SMTN: variants seen among roughly 807,000 people sequenced by gnomAD.
SMTN encodes smoothelin.
SMTN carries 58 observed loss-of-function variants against 102.0 expected under a neutral mutation model. The observed-to-expected ratio is 0.57, with a 90% CI of 0.46 to 0.71. SMTN has a LOEUF of 0.71. Among genes scored for constraint, SMTN ranks in the 30% least tolerant of loss-of-function variants. The pLI is 0.00. For synonymous variants in SMTN, 478 were observed against 497.9 expected (o/e 0.96, Z 0.53); for missense variants, 1,185 against 1,241.7 (o/e 0.95, Z 0.69).
At chr22:31,094,900 G>A (rs2043449853) in intron 11 of SMTN, among the ~76,000 whole-genome samples, 1 of 151,972 alleles carries the variant, frequency 6.6e-6, no homozygotes, top group African/African-American at 2.4e-5. Context: ...TACCCAGGTT[G>A]GTCTCAAACT....
upstream of SMTN, among the ~76,000 whole-genome samples, chr22:31,078,177 C>A (rs1481651613): frequency 1.3e-5 from 2 of 152,208 alleles, no homozygotes; most frequent in African/African-American, 2.4e-5. Context: ...GAGGGCCAAC[C>A]CTTACCTAGG....
At position 31,099,815 on chromosome 22, in the gene SMTN, T is replaced by C; in HGVS notation, c.2522T>C (p.Phe841Ser). The C allele has an allele frequency of 6.2e-7, 1 of 1,614,094 alleles. No homozygotes were observed. The highest frequency in any genetic ancestry group is 8.5e-7 in the Non-Finnish European group (1 of 1,179,952). ...GMAFCALVHN[F>S]FPEAFDYGQL... ...GCCTTCTGTGCCCTGGTGCACAACT[T>C]CTTCCCTGAGGCCTTCGACTATGGG... The change falls in exon 19 of 21, where the codon TTC becomes TCC. Residue 841 changes from phenylalanine to serine, a missense_variant. Around this residue, in one of 2 missense-constraint regions of SMTN, gnomAD observed 89 missense variants for 128.9 expected, o/e 0.69. Transcript: ENST00000333137.
rs1442191699 is a variant in SMTN, at chr22:31,104,477, C to T, written c.*182C>T. 2.5e-6 allele frequency: 4 copies of T among 1,610,984 alleles called. No individual in the cohort carries two copies. Among genetic ancestry groups the T allele is most frequent in the African/African-American group, 1.3e-5 (1 of 75,040 alleles). On this transcript the variant is annotated 3_prime_UTR_variant, in exon 21 of 21. Coordinates refer to ENST00000333137, the MANE Select transcript of SMTN (RefSeq NM_134269.3). ...GGCAAGAATGTCTAGCCTGCCCGCC[C>T]GCATGGCCAGCCAGTGGCAAGCTGC...
In SMTN at chr22:31,091,772, T is replaced by C. The variant is rs1423205245; in HGVS notation, c.1557T>C (p.Ala519=). ...GTGTCAACAGCCCTGGGACCCTGGC[T>C]CGGCTGGGCAGTGTCACTCATGTCA... The part of the protein sequence containing the change: ...ITRVNSPGTL[A]RLGSVTHVTS... Residue 519 remains alanine (A), a synonymous_variant, in exon 11 of 21, where the codon GCT becomes GCC. Transcript: ENST00000333137. 2 of 1,610,812 alleles carry C rather than the reference T, an allele frequency of 1.2e-6. No individual in the cohort carries two copies. Among genetic ancestry groups the C allele is most frequent in the Non-Finnish European group, 1.7e-6 (2 of 1,178,636 alleles).
At position 31,095,547 on chromosome 22, in the gene SMTN, C is replaced by G. The variant is rs141724361; in HGVS notation, c.1799C>G (p.Thr600Arg). The G allele has an allele frequency of 6.4e-5, 104 of 1,614,036 alleles. No homozygotes were observed. The highest frequency in any genetic ancestry group is 8.7e-5 in the Non-Finnish European group (103 of 1,180,022). ...GVLDKMLDQS[T>R]DFEERKLIRA... is the part of the protein sequence containing the mutation. ...CTCTATATGCAGCTGGATCAGAGCA[C>G]GGACTTTGAAGAGCGGAAGCTCATC... Residue 600 changes from threonine (T) to arginine (R), a missense_variant, in exon 13 of 21, where the codon ACG becomes AGG. By Grantham distance (71) the Thr-to-Arg change is moderately conservative (BLOSUM62 -1). This residue lies in a region of SMTN where 1,096 missense variants were observed against 1,112.7 expected (regional missense o/e 0.98). Transcript: ENST00000333137. This position sits in a 1 kb window ranked among gnomAD's most constrained non-coding sequence, Gnocchi z 4.1.
chr22:31,090,697 G>A (rs1009783062), intron 8 of SMTN, 111 bp from the exon 9 acceptor site: 21 of 866,804 alleles, frequency 2.4e-5, no homozygotes, highest in African/African-American at 6.6e-5. Flanking sequence ...GTACAGGAAA[G>A]GGTGGGAAGC....
chr22:31,091,388 C>G lies in SMTN; in HGVS notation c.1365C>G (p.Gly455=). Residue 455 remains glycine (G), a synonymous_variant, in exon 10 of 21, where the codon GGC becomes GGG. Transcript: ENST00000333137. ...CCGTCGGCACTGCCGAGCCAGGGGG[C>G]AGTATGAAGACCACATTCACCATCG... ...PVAVGTAEPG[G]SMKTTFTIEI... is the part of the protein sequence containing the mutation. 1 of 1,597,242 alleles carries G rather than the reference C, an allele frequency of 6.3e-7. No individual in the cohort carries two copies. The highest frequency in any genetic ancestry group is 8.5e-7 in the Non-Finnish European group (1 of 1,175,288).
intron 11 of SMTN, chr22:31,093,645 C>T (rs1377454732): frequency 1.7e-5 from 13 of 778,438 alleles, no homozygotes; most frequent in Non-Finnish European, 3.1e-5. Context: ...CAGCACTGAG[C>T]CGGCGGCTGG....
rs768891484 is a variant in SMTN, at chr22:31,098,839, G to A, written c.2332G>A (p.Gly778Ser). The A allele has an allele frequency of 5.6e-6, 9 of 1,602,816 alleles. No homozygotes were observed. The highest frequency in any genetic ancestry group is 3.4e-5 in the Admixed American group (2 of 59,156). Reference sequence around the variant, plus strand: ...GAAGCTGGAGAAGGAGGGCGCGGCCGGGTGAGCTGCAGAAGTGGGCTGGGC... The same window carrying A: ...GAAGCTGGAGAAGGAGGGCGCGGCCAGGTGAGCTGCAGAAGTGGGCTGGGC... ...IEKLEKEGAA[G>S]SPGGPRAAVQ... The change falls in exon 17 of 21, where the codon GGC becomes AGC. Residue 778 changes from glycine to serine, a missense_variant and splice_region_variant. Gly to Ser is a moderately conservative substitution (Grantham distance 56). This residue lies in a region of SMTN where 1,096 missense variants were observed against 1,112.7 expected (regional missense o/e 0.98). Transcript: ENST00000333137.
At position 31,095,782 on chromosome 22, in the gene SMTN, TC is replaced by T. The variant is rs1329742810; in HGVS notation, c.1861+176del. 9 of 613,490 alleles carry T rather than the reference TC, an allele frequency of 1.5e-5. No homozygotes were observed. Among genetic ancestry groups the T allele is most frequent in the Non-Finnish European group, 2.6e-5 (9 of 349,708 alleles). The allele number at this position is 613,490 out of a possible 1,614,324, so 38.0% of individuals were successfully genotyped here. On this transcript the variant is annotated intron_variant, in intron 13 of 20. Coordinates refer to ENST00000333137, the MANE Select transcript of SMTN (RefSeq NM_134269.3). This position sits in a 1 kb window ranked among gnomAD's most constrained non-coding sequence, Gnocchi z 4.1. ...TTCCCTGCTGGATCCAGCTGCTCCT[TC>T]CCTAGCTCCTTCTCTCCCGCTGGTG... is the stretch of plus-strand genomic sequence containing the variant.
chr22:31,082,453 C>T (rs1338111713), intron 1 of SMTN: 2 of 466,762 alleles, frequency 4.3e-6, no homozygotes, highest in African/African-American at 4.0e-5. Context: ...CCTTCTCTGC[C>T]CTCTAAGTCT....
intron 1 of SMTN, chr22:31,082,269 G>A (rs2042357680): frequency 8.6e-6 from 2 of 233,888 alleles, no homozygotes; most frequent in Non-Finnish European, 1.8e-5. Flanking sequence ...GGGGCTACAG[G>A]AGGAAGGAGA....
Position 31,088,956 on chromosome 22 carries a change from T to C in SMTN, c.458T>C (p.Leu153Pro). 1 of 1,613,408 alleles carries C rather than the reference T, an allele frequency of 6.2e-7. No homozygotes were observed. Among genetic ancestry groups the C allele is most frequent in the African/African-American group, 1.3e-5 (1 of 75,034 alleles). Residue 153 changes from leucine (L) to proline (P), a missense_variant, in exon 6 of 21, where the codon CTG becomes CCG. By Grantham distance (98) the Leu-to-Pro change is moderately conservative. Around this residue, in one of 2 missense-constraint regions of SMTN, gnomAD observed 1,096 missense variants for 1,112.7 expected, o/e 0.98. Transcript: ENST00000333137. Reference sequence around the variant, plus strand: ...AGCAAGGGGCTAGCGGCACACAGGCTGGAACAGTGTGAGGTAAGGAGGGTG... The same window carrying C: ...AGCAAGGGGCTAGCGGCACACAGGCCGGAACAGTGTGAGGTAAGGAGGGTG... ...EDSKGLAAHR[L>P]EQCEVPEREE...
At chr22:31,077,234 C>T (rs1461005882), upstream of SMTN, among the ~76,000 whole-genome samples, 1 of 151,938 alleles carries the variant, frequency 6.6e-6, no homozygotes, top group Non-Finnish European at 1.5e-5. Flanking sequence ...ATAGGGAGAC[C>T]CTTGTCTCTA....
Position 31,104,517 on chromosome 22 carries a change from G to A in SMTN, c.*222G>A, listed in dbSNP as rs1053902696. ...TGGCAAGCTGCCGCCCCCACTCTCC[G>A]GGCACCGTCTCCTGCCTGTGCGTCC... On this transcript the variant is annotated 3_prime_UTR_variant, in exon 21 of 21. Coordinates refer to ENST00000333137, the MANE Select transcript of SMTN (RefSeq NM_134269.3). The A allele has an allele frequency of 2.5e-6, 4 of 1,594,744 alleles. No homozygotes were observed. The highest frequency in any genetic ancestry group is 2.2e-5 in the East Asian group (1 of 44,694).
chr22:31,098,509 A>G (rs2147788192), intron 16 of SMTN, among the ~76,000 whole-genome samples, 158 bp from the exon 17 acceptor site: 1 of 152,236 alleles, frequency 6.6e-6, no homozygotes, highest in East Asian at 1.9e-4. Flanking sequence ...GTACTCCTCT[A>G]AAATGCGTGT....
chr22:31,090,030 A>T lies in SMTN; in HGVS notation c.792+11A>T. The T allele has an allele frequency of 6.2e-7, 1 of 1,610,186 alleles. No individual in the cohort carries two copies. The highest frequency in any genetic ancestry group is 1.3e-5 in the African/African-American group (1 of 74,908). On this transcript the variant is annotated intron_variant, in intron 7 of 20. Transcript: ENST00000333137. ...CAGGTGGTCAACAAGGTGAGTCTGG[A>T]TGAGGGGCAGGGATGCCAGGCAAGT...
At chr22:31,086,593 G>A (rs945931359) in intron 2 of SMTN, among the ~76,000 whole-genome samples, 2 of 152,154 alleles carry the variant, frequency 1.3e-5, no homozygotes, top group African/African-American at 2.4e-5. Context: ...CTATGTACAG[G>A]AGAGGCCAAG....
intron 2 of SMTN, chr22:31,087,350 G>A (rs1219384346): frequency 2.0e-5 from 3 of 152,386 alleles, no homozygotes; most frequent in Non-Finnish European, 2.9e-5. Flanking sequence ...ATGTCTGGGG[G>A]ATTGGTCCTC....
Sources: gnomAD v4.1 joint callset for allele counts (sites outside exome capture counted in the v4.1 genomes callset) on GRCh38, gnomAD v4.1.1 for gene constraint, gnomAD v4.1.1 regional missense constraint, Gnocchi (gnomAD v3.1) non-coding constraint, MANE v1.5 for transcripts, NCBI Gene and HGNC (gene_info 2026-07-23, HGNC 2026-07-21) for gene names.